Variants in INO80 observed in about 807,000 individuals in gnomAD.
INO80 encodes chromatin-remodeling ATPase INO80.
Under a neutral mutation model 203.4 loss-of-function variants are expected in INO80, and 20 were observed. The ratio of observed to expected loss-of-function variants is 0.10; its 90% confidence interval spans 0.07 to 0.14. The LOEUF (loss-of-function observed/expected upper bound fraction) is 0.14. Among genes scored for constraint, INO80 ranks in the 10% least tolerant of loss-of-function variants. The pLI is 1.00. For missense variants in INO80, 1,419 were observed against 1,914.4 expected, an observed-to-expected ratio of 0.74 and a Z score of 4.83; for synonymous variants, 726 against 685.2, an observed-to-expected ratio of 1.06 and a Z score of -0.93.
chr15:41,111,440 G>A (rs28688742), intron 1 of INO80, among the ~76,000 whole-genome samples: 59,360 of 151,730 alleles, frequency 0.39, 11,746 homozygotes, highest in South Asian at 0.48. Flanking sequence ...GCGAGACTCC[G>A]TCTCAAAAAA....
chr15:41,054,518 T>C (rs1347900446), intron 18 of INO80, among the ~76,000 whole-genome samples: 1 of 152,174 alleles, frequency 6.6e-6, no homozygotes, highest in Admixed American at 6.6e-5. Flanking sequence ...TGAAAACAAA[T>C]TCTAATACAT....
At chr15:41,060,525 G>C (rs2045084514) in intron 14 of INO80, among the ~76,000 whole-genome samples, 1 of 151,736 alleles carries the variant, frequency 6.6e-6, no homozygotes, top group Non-Finnish European at 1.5e-5. Context: ...CTGCACTCCA[G>C]CCTGGGGGAC....
In INO80 at chr15:40,982,966, C is replaced by T; in HGVS notation, c.4349G>A (p.Arg1450Gln). Residue 1450 changes from arginine (R) to glutamine (Q), a missense_variant, in exon 35 of 36, where the codon CGA becomes CAA. By Grantham distance (43) the Arg-to-Gln change is conservative. Transcript: ENST00000648947. The part of the protein sequence containing the change: ...TAKGAGKGRS[R>Q]KSTAGSAAAM... Reference sequence around the variant, plus strand: ...AGCAGCACTGCCTGCCGTGGACTTTCGGCTCCGGCCCTTCCCTGCTCCTTT... The same window carrying T: ...AGCAGCACTGCCTGCCGTGGACTTTTGGCTCCGGCCCTTCCCTGCTCCTTT... 8.1e-6 allele frequency: 13 copies of T among 1,614,212 alleles called. No homozygotes were observed. Among genetic ancestry groups the T allele is most frequent in the Non-Finnish European group, 9.3e-6 (11 of 1,180,044 alleles).
chr15:41,081,075 T>A lies in INO80; in HGVS notation c.874-2A>T. The A allele has an allele frequency of 6.4e-7, 1 of 1,560,090 alleles. No individual in the cohort carries two copies. The highest frequency in any genetic ancestry group is 8.8e-7 in the Non-Finnish European group (1 of 1,131,848). Reference sequence around the variant, plus strand: ...AGCTGAAGCTTTCTGCTTATTTGCCTAAAATATTTAAAAAACAATATTTCA... The same window carrying A: ...AGCTGAAGCTTTCTGCTTATTTGCCAAAAATATTTAAAAAACAATATTTCA... On this transcript the variant is annotated splice_acceptor_variant, in intron 7 of 35. Transcript: ENST00000648947. LOFTEE classifies it high-confidence loss of function.
chr15:41,088,762 T>C (rs1289362211), intron 5 of INO80, among the ~76,000 whole-genome samples: 1 of 152,232 alleles, frequency 6.6e-6, no homozygotes, highest in Non-Finnish European at 1.5e-5. Flanking sequence ...ACTGAAAGAT[T>C]AACATGGGGA....
intron 27 of INO80, among the ~76,000 whole-genome samples, chr15:41,009,002 T>C (rs990721537): frequency 3.3e-5 from 5 of 152,000 alleles, no homozygotes; most frequent in Non-Finnish European, 5.9e-5. Flanking sequence ...CTGGCTAAGT[T>C]TGTATTTTTA....
At chr15:41,101,531 C>A (rs2045806869) in intron 1 of INO80, among the ~76,000 whole-genome samples, 1 of 151,700 alleles carries the variant, frequency 6.6e-6, no homozygotes. Context: ...GTCACCAACA[C>A]AAACAGACTT....
In INO80 at chr15:41,116,128, T is replaced by G; in HGVS notation, c.-199A>C. 1 of 400,986 alleles carries G rather than the reference T, an allele frequency of 2.5e-6. No homozygotes were observed. Among genetic ancestry groups the G allele is most frequent in the Non-Finnish European group, 4.4e-6 (1 of 228,308 alleles). The allele number at this position is 400,986 out of a possible 1,614,324, so 24.8% of individuals were successfully genotyped here. ...TGCGTTGGGCGTGGACGCTCCTAGC[T>G]CGCTCCCTCCGCGGCTCCTGGGACC... is the stretch of plus-strand genomic sequence containing the variant. On this transcript the variant is annotated 5_prime_UTR_variant, in exon 1 of 36. Coordinates refer to ENST00000648947, the MANE Select transcript of INO80 (RefSeq NM_017553.3).
intron 7 of INO80, among the ~76,000 whole-genome samples, chr15:41,084,901 T>C (rs915709545): frequency 6.6e-6 from 1 of 152,140 alleles, no homozygotes; most frequent in Non-Finnish European, 1.5e-5. Flanking sequence ...TACGCCCAGT[T>C]CATTTTTGTA....
chr15:40,980,164 A>C lies in INO80; in HGVS notation c.*59T>G. 7.3e-7 allele frequency: 1 copy of C among 1,377,162 alleles called. No individual in the cohort carries two copies. Among genetic ancestry groups the C allele is most frequent in the Non-Finnish European group, 1.0e-6 (1 of 966,884 alleles). 85.3% of individuals were successfully genotyped at this position (1,377,162 alleles called of 1,614,324 possible). On this transcript the variant is annotated 3_prime_UTR_variant, in exon 36 of 36. Coordinates refer to ENST00000648947, the MANE Select transcript of INO80 (RefSeq NM_017553.3). ...GCACGGGGCAAGCCATCCAAAGACC[A>C]CTGGCAGGTCAGGACTCTAGCCCTG... is the stretch of plus-strand genomic sequence containing the variant.
At chr15:41,101,054 G>A (rs921613106) in intron 1 of INO80, among the ~76,000 whole-genome samples, 2 of 151,870 alleles carry the variant, frequency 1.3e-5, no homozygotes, top group African/African-American at 2.4e-5. Flanking sequence ...GGTCTCAAAC[G>A]CCTGGCATCA....
chr15:41,065,827 C>T (rs1439480295), intron 14 of INO80, among the ~76,000 whole-genome samples: 1 of 151,286 alleles, frequency 6.6e-6, no homozygotes, highest in Non-Finnish European at 1.5e-5. Flanking sequence ...CCAGCCACAG[C>T]AGTCAAATTT....
Position 41,096,163 on chromosome 15 carries a change from C to T in INO80, c.143+5G>A. The T allele has an allele frequency of 3.8e-6, 6 of 1,598,566 alleles. No homozygotes were observed. The highest frequency in any genetic ancestry group is 5.1e-6 in the Non-Finnish European group (6 of 1,175,338). ...AAAACATATTGCAAAGATACAATAACATACCTAGAAATATTCCTATTGAAG... is the reference window on the plus strand; with the variant it reads ...AAAACATATTGCAAAGATACAATAATATACCTAGAAATATTCCTATTGAAG... On this transcript the variant is annotated splice_donor_5th_base_variant and intron_variant, in intron 2 of 35. Transcript: ENST00000648947.
At chr15:41,023,842 A>AT (rs1403041705) in intron 25 of INO80, among the ~76,000 whole-genome samples, 1 of 151,240 alleles carries the variant, frequency 6.6e-6, no homozygotes, top group Non-Finnish European at 1.5e-5. Flanking sequence ...ATACAGACCA[A>AT]TTTTTATACT....
chr15:40,997,419 T>G, intron 29 of INO80, 110 bp downstream of exon 29: 1 of 725,114 alleles, frequency 1.4e-6, no homozygotes, highest in Non-Finnish European at 2.4e-6. Context: ...TGCAAGTTTG[T>G]GACACAAAAG....
chr15:41,073,727 CG>C (rs1182675769), intron 10 of INO80, among the ~76,000 whole-genome samples: 1 of 152,044 alleles, frequency 6.6e-6, no homozygotes, highest in Non-Finnish European at 1.5e-5. Context: ...AAAAACATCA[CG>C]GCACTGCCTC....
At chr15:41,104,091 C>T (rs2045846628) in intron 1 of INO80, among the ~76,000 whole-genome samples, 1 of 150,744 alleles carries the variant, frequency 6.6e-6, no homozygotes, top group African/African-American at 2.4e-5. Flanking sequence ...TGTGGTGGTG[C>T]ATGCCTGTAA....
At chr15:41,035,690 C>T (rs1248526441) in intron 24 of INO80, among the ~76,000 whole-genome samples, 6 of 150,942 alleles carry the variant, frequency 4.0e-5, no homozygotes, top group African/African-American at 1.5e-4. Context: ...GGTGTGGTGG[C>T]GGGCACCTGT....
At chr15:41,027,505 A>C (rs1391691153) in intron 25 of INO80, 91 bp downstream of exon 25, 11 of 1,165,018 alleles carry the variant, frequency 9.4e-6, no homozygotes, top group Non-Finnish European at 1.3e-5. Flanking sequence ...AAATAGTTTA[A>C]AACAATTCTG....
Sources: allele counts gnomAD v4.1 joint callset (sites outside exome capture counted in the v4.1 genomes callset), GRCh38; gene constraint gnomAD v4.1.1; transcripts MANE v1.5; gene names NCBI Gene and HGNC (gene_info 2026-07-23, HGNC 2026-07-21).